Variants in KIF15 observed in about 807,000 individuals in gnomAD.
The protein encoded by KIF15 is kinesin family member 15, also known as kinesin-like protein KIF15.
KIF15 carries 140 observed loss-of-function variants against 190.6 expected under a neutral mutation model. The observed-to-expected ratio is 0.73, with a 90% confidence interval of 0.64 to 0.84. The LOEUF is 0.84. Among genes scored for constraint, KIF15 ranks in the 40% least tolerant of loss-of-function variants. The pLI, the probability that KIF15 is intolerant of heterozygous loss-of-function variation, is 0.00. For synonymous variants in KIF15, 528 were observed against 551.3 expected (o/e 0.96, Z 0.59); for missense variants, 1,372 against 1,584.4 (o/e 0.87, Z 2.28).
At chr3:44,803,099 T>G in intron 14 of KIF15, 108 bp downstream of exon 14, 3 of 871,048 alleles carry the variant, frequency 3.4e-6, no homozygotes, top group Non-Finnish European at 5.2e-6. Flanking sequence ...AGGCCTGCTA[T>G]GCTAATGTCT....
Position 44,838,369 on chromosome 3 carries a change from C to T in KIF15, c.3266C>T (p.Ala1089Val), listed in dbSNP as rs1402175394. The change falls in exon 27 of 35, where the codon GCC becomes GTC. Residue 1089 changes from alanine to valine, a missense_variant. Coordinates refer to ENST00000326047, the MANE Select transcript of KIF15 (RefSeq NM_020242.3). ...SKKHSGLLQS[A>V]QEELTKKEAL... ...AAACACTCGGGGCTGCTGCAGTCTGCCCAGGAAGAACTGACCAAGAAGGAA... is the reference window on the plus strand; with the variant it reads ...AAACACTCGGGGCTGCTGCAGTCTGTCCAGGAAGAACTGACCAAGAAGGAA... The T allele has an allele frequency of 1.2e-6, 2 of 1,613,792 alleles. No individual in the cohort carries two copies. Among genetic ancestry groups the T allele is most frequent in the Admixed American group, 3.3e-5 (2 of 59,970 alleles).
intron 1 of KIF15, among the ~76,000 whole-genome samples, chr3:44,770,695 T>A (rs1238620527): frequency 1.3e-5 from 2 of 152,230 alleles, no homozygotes; most frequent in Non-Finnish European, 2.9e-5. Context: ...ATTGCACTGA[T>A]GCAAACAAAT....
chr3:44,784,974 G>T, intron 6 of KIF15, 32 bp downstream of exon 6: 1 of 1,179,344 alleles, frequency 8.5e-7, no homozygotes, highest in South Asian at 1.4e-5. Context: ...GTGGTTCTAT[G>T]AAATGTCTAA....
intron 20 of KIF15, among the ~76,000 whole-genome samples, chr3:44,822,314 G>A (rs1191456512): frequency 2.0e-5 from 3 of 152,172 alleles, no homozygotes; most frequent in Non-Finnish European, 2.9e-5. Context: ...CTTTATTTAA[G>A]AATGTTGAAT....
intron 24 of KIF15, among the ~76,000 whole-genome samples, 192 bp downstream of exon 24, chr3:44,828,492 A>G (rs939017987): frequency 4.6e-5 from 7 of 152,182 alleles, no homozygotes; most frequent in African/African-American, 1.7e-4. Flanking sequence ...TTGCCATGTA[A>G]CTTCAAGTAC....
Position 44,802,954 on chromosome 3 carries a change from T to C in KIF15, c.1650T>C (p.Ala550=). The part of the protein sequence containing the change: ...DAQTIAKLEK[A]FSEISGMEKS... ...AGACCATTGCAAAACTAGAAAAAGC[T>C]TTCTCTGAAATAAGTGGCATGGAGA... Residue 550 remains alanine, a synonymous_variant, in exon 14 of 35, where the codon GCT becomes GCC. Transcript: ENST00000326047. 1.9e-6 allele frequency: 3 copies of C among 1,603,184 alleles called. No homozygotes were observed. Among genetic ancestry groups the C allele is most frequent in the Non-Finnish European group, 2.5e-6 (3 of 1,177,490 alleles).
At chr3:44,763,985 G>T (rs1206079249) in intron 1 of KIF15, among the ~76,000 whole-genome samples, 1 of 152,192 alleles carries the variant, frequency 6.6e-6, no homozygotes, top group Non-Finnish European at 1.5e-5. Flanking sequence ...ACTGCACCTG[G>T]CCTAAGATTC....
intron 20 of KIF15, among the ~76,000 whole-genome samples, chr3:44,822,023 C>T (rs1477486932): frequency 6.6e-6 from 1 of 152,226 alleles, no homozygotes; most frequent in African/African-American, 2.4e-5. Context: ...ACTCGGCAAG[C>T]TGAGGCAGGA....
intron 1 of KIF15, among the ~76,000 whole-genome samples, chr3:44,769,755 C>G (rs1013444547): frequency 2.0e-5 from 3 of 151,940 alleles, no homozygotes; most frequent in Admixed American, 6.6e-5. Context: ...TGTATGGACT[C>G]CTTATCATAA....
intron 6 of KIF15, among the ~76,000 whole-genome samples, chr3:44,785,448 C>T (rs1706358966): frequency 6.6e-6 from 1 of 152,178 alleles, no homozygotes; most frequent in Admixed American, 6.5e-5. Flanking sequence ...GGCTCCATCA[C>T]CCTGGGGATA....
intron 17 of KIF15, 96 bp from the exon 18 acceptor site, chr3:44,812,086 G>T: frequency 2.2e-6 from 2 of 895,900 alleles, no homozygotes; most frequent in South Asian, 1.6e-5. Context: ...AATTTGTTTT[G>T]TTTTGTTTTG....
rs1707065430 is a variant in KIF15 at position 44,797,840 on chromosome 3, C to T, written c.982C>T (p.Leu328Phe). The change falls in exon 10 of 35, where the codon CTT becomes TTT. Residue 328 changes from leucine (L) to phenylalanine (F), a missense_variant. Physicochemically the swap from Leu to Phe is conservative, Grantham distance 22 (BLOSUM62 0). Coordinates refer to ENST00000326047, the MANE Select transcript of KIF15 (RefSeq NM_020242.3). ...SKLTFLLRDS[L>F]GGNAKTAIIA... ...CATTCCTATCATTAAACAGGATTCCCTTGGAGGTAATGCCAAAACAGCCAT... is the reference window on the plus strand; with the variant it reads ...CATTCCTATCATTAAACAGGATTCCTTTGGAGGTAATGCCAAAACAGCCAT... 6.2e-7 allele frequency: 1 copy of T among 1,613,134 alleles called. No homozygotes were observed. The highest frequency in any genetic ancestry group is 8.5e-7 in the Non-Finnish European group (1 of 1,179,822).
At chr3:44,864,062 C>A in intron 6 of KIF15, 2 of 1,017,644 alleles carry the variant, frequency 2.0e-6, no homozygotes, top group South Asian at 1.5e-5. Flanking sequence ...CAGGAAAGCT[C>A]TGAGGCCCTC....
In KIF15 at chr3:44,800,439, T is replaced by G; in HGVS notation, c.1222+2T>G. Reference sequence around the variant, plus strand: ...CACCAGAAAGCTTCCTGACCAGAGGTAGGATGAGCACACAGTCCTTTATCT... The same window carrying G: ...CACCAGAAAGCTTCCTGACCAGAGGGAGGATGAGCACACAGTCCTTTATCT... On this transcript the variant is annotated splice_donor_variant, in intron 11 of 34. Coordinates refer to ENST00000326047, the MANE Select transcript of KIF15 (RefSeq NM_020242.3). LOFTEE classifies it high-confidence loss of function. 1 of 1,613,516 alleles carries G rather than the reference T, an allele frequency of 6.2e-7. No homozygotes were observed. The highest frequency in any genetic ancestry group is 8.5e-7 in the Non-Finnish European group (1 of 1,179,810).
chr3:44,801,448 A>C lies in KIF15; in HGVS notation c.1223-2A>C, dbSNP rs1163749030. On this transcript the variant is annotated splice_acceptor_variant, in intron 11 of 34. Coordinates refer to ENST00000326047, the MANE Select transcript of KIF15 (RefSeq NM_020242.3). LOFTEE classifies it high-confidence loss of function. Reference sequence around the variant, plus strand: ...TTCCCTTTCTTATTGGATCAATTACAGACAAAAAGAAGACTAACTATATGG... The same window carrying C: ...TTCCCTTTCTTATTGGATCAATTACCGACAAAAAGAAGACTAACTATATGG... 6.5e-7 allele frequency: 1 copy of C among 1,528,022 alleles called. No homozygotes were observed. The highest frequency in any genetic ancestry group is 9.0e-7 in the Non-Finnish European group (1 of 1,109,728). The allele number at this position is 1,528,022 out of a possible 1,614,324, so 94.7% of individuals were successfully genotyped here.
intron 6 of KIF15, among the ~76,000 whole-genome samples, chr3:44,859,581 G>C (rs1365504016): frequency 1.3e-5 from 2 of 152,166 alleles, no homozygotes; most frequent in African/African-American, 4.8e-5. Context: ...AATCACTTGA[G>C]CCCAGCAGGT....
At chr3:44,809,819 C>A (rs1707707564) in intron 16 of KIF15, among the ~76,000 whole-genome samples, 1 of 152,168 alleles carries the variant, frequency 6.6e-6, no homozygotes, top group African/African-American at 2.4e-5. Context: ...GTAATTCTAG[C>A]ACTTTGGGAG....
At chr3:44,808,006 G>T (rs933508621) in intron 16 of KIF15, among the ~76,000 whole-genome samples, 1 of 151,886 alleles carries the variant, frequency 6.6e-6, no homozygotes, top group Non-Finnish European at 1.5e-5. Flanking sequence ...CATGATCATG[G>T]CTCACTGCAG....
intron 29 of KIF15, among the ~76,000 whole-genome samples, chr3:44,842,201 A>G (rs1333563529): frequency 6.6e-6 from 1 of 151,942 alleles, no homozygotes; most frequent in Non-Finnish European, 1.5e-5. Context: ...TATATATTAG[A>G]GATTTTTTTA....
Sources: gnomAD v4.1 joint callset for allele counts (sites outside exome capture counted in the v4.1 genomes callset) on GRCh38, gnomAD v4.1.1 for gene constraint, MANE v1.5 for transcripts, NCBI Gene and HGNC (gene_info 2026-07-23, HGNC 2026-07-21) for gene names.